Variants in NCOA2 observed in about 807,000 individuals in gnomAD.
NCOA2 encodes the protein nuclear receptor coactivator 2.
Under a neutral mutation model 145.1 loss-of-function variants are expected in NCOA2, and 21 were observed. The observed-to-expected ratio is 0.14, with a 90% CI of 0.10 to 0.21. The LOEUF is 0.21. NCOA2 is among the 10% of genes least tolerant of loss of function. The probability of loss-of-function intolerance (pLI) is 1.00; values close to 1 mark genes in which losing one functional copy is unlikely to be tolerated. For synonymous variants in NCOA2, 619 were observed against 637.5 expected (o/e 0.97, Z 0.44); for missense variants, 1,472 against 1,837.6 (o/e 0.80, Z 3.64).
Position 70,128,969 on chromosome 8 carries a change from T to C in NCOA2, c.3336A>G (p.Val1112=), listed in dbSNP as rs1808766018. 1.9e-6 allele frequency: 3 copies of C among 1,601,984 alleles called. No homozygotes were observed. The highest frequency in any genetic ancestry group is 2.6e-6 in the Non-Finnish European group (3 of 1,173,636). Residue 1112 remains valine, a synonymous_variant, in exon 17 of 23, where the codon GTA becomes GTG. Transcript: ENST00000452400. ...CCTGACTTGAGAACTGTTCTGGATC[T>C]ACTGCTTGGCTCTGGAGAGAAAGTC... ...IPELVSQSQA[V]DPEQFSSQDS...
intron 1 of NCOA2, among the ~76,000 whole-genome samples, chr8:70,334,359 T>C (rs1250523272): frequency 1.3e-5 from 2 of 152,156 alleles, no homozygotes; most frequent in Non-Finnish European, 2.9e-5. Flanking sequence ...GCCTTCCCTG[T>C]ATCTTTCTGT....
chr8:70,230,439 A>G (rs1049806096), intron 2 of NCOA2, among the ~76,000 whole-genome samples: 2 of 152,212 alleles, frequency 1.3e-5, no homozygotes, highest in African/African-American at 4.8e-5. Flanking sequence ...ATACTCCTGA[A>G]TTGTACACTT....
chr8:70,362,501 G>C (rs1166465192), intron 1 of NCOA2, among the ~76,000 whole-genome samples: 1 of 152,080 alleles, frequency 6.6e-6, no homozygotes, highest in Non-Finnish European at 1.5e-5. Flanking sequence ...AAAGATTTTA[G>C]CAGACTCTTC....
intron 1 of NCOA2, among the ~76,000 whole-genome samples, chr8:70,303,528 G>A (rs1006949087): frequency 1.3e-5 from 2 of 152,192 alleles, no homozygotes; most frequent in African/African-American, 4.8e-5. Context: ...TCAGGCTAGA[G>A]AAGGTTGAAG....
intron 3 of NCOA2, 67 bp downstream of exon 3, chr8:70,216,593 A>T: frequency 1.5e-6 from 2 of 1,299,014 alleles, no homozygotes; most frequent in Non-Finnish European, 1.1e-6. Context: ...CAATGCTAAA[A>T]TAACAAAGAA....
intron 1 of NCOA2, chr8:70,357,402 T>G (rs1347267113): frequency 6.6e-6 from 1 of 152,216 alleles, no homozygotes; most frequent in Non-Finnish European, 1.5e-5. Context: ...ATTTACAGAT[T>G]TATTTGTTTC....
At chr8:70,393,106 C>T (rs949133150) in intron 1 of NCOA2, among the ~76,000 whole-genome samples, 11 of 152,308 alleles carry the variant, frequency 7.2e-5, no homozygotes, top group African/African-American at 2.6e-4. Context: ...ACAGGGAACT[C>T]AGCCTCTGAA....
At chr8:70,346,697 G>C (rs946102979) in intron 1 of NCOA2, among the ~76,000 whole-genome samples, 4 of 152,186 alleles carry the variant, frequency 2.6e-5, no homozygotes, top group African/African-American at 9.7e-5. Context: ...GAAAATACCA[G>C]TGGAAGGGAG....
chr8:70,453,184 C>T, the NCOA2 span, among the ~76,000 whole-genome samples: 2 of 152,188 alleles, frequency 1.3e-5, no homozygotes, highest in Non-Finnish European at 2.9e-5. Context: ...AATGCTAAGC[C>T]TGGCCAAAGT....
the NCOA2 span, among the ~76,000 whole-genome samples, chr8:70,423,054 A>G: frequency 6.6e-6 from 1 of 151,906 alleles, no homozygotes; most frequent in African/African-American, 2.4e-5. Flanking sequence ...TAATGTATTA[A>G]CCTCCTGATT....
intron 2 of NCOA2, among the ~76,000 whole-genome samples, chr8:70,281,407 G>C (rs962301723): frequency 6.7e-6 from 1 of 149,336 alleles, no homozygotes; most frequent in African/African-American, 2.5e-5. Flanking sequence ...GAAATTCCAG[G>C]TATGAAAGAC....
intron 4 of NCOA2, among the ~76,000 whole-genome samples, chr8:70,183,477 G>T (rs1815707543): frequency 6.6e-6 from 1 of 152,192 alleles, no homozygotes; most frequent in Admixed American, 6.5e-5. Context: ...GGTCTTAGTT[G>T]TGCAACTTTT....
At chr8:70,172,559 A>G (rs997740988) in intron 5 of NCOA2, among the ~76,000 whole-genome samples, 4 of 152,234 alleles carry the variant, frequency 2.6e-5, no homozygotes, top group Non-Finnish European at 4.4e-5. Context: ...TATGAACCAC[A>G]TGCAGGACAA....
intron 1 of NCOA2, among the ~76,000 whole-genome samples, chr8:70,353,253 T>C (rs1809400068): frequency 6.6e-6 from 1 of 151,436 alleles, no homozygotes; most frequent in African/African-American, 2.4e-5. Context: ...AACATGTGTT[T>C]GTTTTTGTTT....
chr8:70,316,882 C>T (rs939910514), intron 1 of NCOA2, among the ~76,000 whole-genome samples: 2 of 152,226 alleles, frequency 1.3e-5, no homozygotes, highest in South Asian at 2.1e-4. Flanking sequence ...TGATGACGCC[C>T]GAGACCCATG....
intron 4 of NCOA2, among the ~76,000 whole-genome samples, chr8:70,205,958 A>T (rs1172784486): frequency 6.6e-6 from 1 of 152,162 alleles, no homozygotes; most frequent in African/African-American, 2.4e-5. Flanking sequence ...CCCAGCAATC[A>T]AAGTGGCAGG....
At chr8:70,390,287 G>A (rs1051713578) in intron 1 of NCOA2, among the ~76,000 whole-genome samples, 8 of 152,176 alleles carry the variant, frequency 5.3e-5, no homozygotes, top group African/African-American at 1.9e-4. Flanking sequence ...GACTCTAAGA[G>A]GACTTACTTT....
chr8:70,356,529 T>C (rs1468997493), intron 1 of NCOA2, among the ~76,000 whole-genome samples: 1 of 152,142 alleles, frequency 6.6e-6, no homozygotes, highest in East Asian at 1.9e-4. Context: ...GGCTAGAAAG[T>C]TTCAAATACT....
intron 1 of NCOA2, among the ~76,000 whole-genome samples, chr8:70,368,517 A>T (rs879812002): frequency 6.6e-6 from 1 of 152,246 alleles, no homozygotes; most frequent in Admixed American, 6.5e-5. Context: ...TAGTTTTTCA[A>T]GTCAAAATCT....
Sources: gnomAD v4.1 joint callset for allele counts (sites outside exome capture counted in the v4.1 genomes callset) on GRCh38, gnomAD v4.1.1 for gene constraint, MANE v1.5 for transcripts, NCBI Gene and HGNC (gene_info 2026-07-23, HGNC 2026-07-21) for gene names.